The following GPC5 variants were observed in gnomAD, a reference collection of about 807,000 sequenced individuals.
GPC5 encodes glypican 5, also known as glypican-5.
GPC5 carries 47 observed loss-of-function variants against 53.9 expected under a neutral mutation model. That is an observed-to-expected ratio of 0.87 (90% confidence interval 0.69 to 1.11). GPC5 has a LOEUF of 1.11. GPC5 is among the 50% of genes most tolerant of loss of function. The pLI is 0.00. For synonymous variants in GPC5, 286 were observed against 263.3 expected (o/e 1.09, Z -0.84); for missense variants, 748 against 713.1 (o/e 1.05, Z -0.56).
intron 7 of GPC5, among the ~76,000 whole-genome samples, chr13:92,454,406 T>C (rs917234482): frequency 1.3e-5 from 2 of 152,216 alleles, no homozygotes; most frequent in Admixed American, 1.3e-4. Context: ...GCACTGACTT[T>C]GAGGAACCTC....
chr13:92,384,114 T>G (rs1406536837), intron 7 of GPC5, among the ~76,000 whole-genome samples: 2 of 123,268 alleles, frequency 1.6e-5, no homozygotes, highest in Non-Finnish European at 3.3e-5. Context: ...GATACACACA[T>G]TGTTTTTATA....
At chr13:91,552,283 A>G (rs9523360) in intron 2 of GPC5, among the ~76,000 whole-genome samples, 130,696 of 151,934 alleles carry the variant, frequency 0.86, 57,604 homozygotes, top group East Asian at 1. Context: ...TTAGGAGTTT[A>G]TGGCATAGTT....
At chr13:91,616,430 A>G (rs561571432) in intron 2 of GPC5, among the ~76,000 whole-genome samples, 1 of 152,132 alleles carries the variant, frequency 6.6e-6, no homozygotes, top group East Asian at 1.9e-4. Context: ...TTGATGAACT[A>G]TGGCATAACC....
intron 6 of GPC5, among the ~76,000 whole-genome samples, chr13:91,923,934 A>C (rs1296687225): frequency 6.6e-6 from 1 of 152,144 alleles, no homozygotes; most frequent in Non-Finnish European, 1.5e-5. Context: ...GATAGTTGCT[A>C]AATTCACTCT....
chr13:92,449,809 A>T (rs1235820020), intron 7 of GPC5, among the ~76,000 whole-genome samples: 2 of 152,292 alleles, frequency 1.3e-5, no homozygotes, highest in East Asian at 3.9e-4. Context: ...TATTTAGCAT[A>T]TGTTTCATAT....
intron 7 of GPC5, among the ~76,000 whole-genome samples, chr13:92,624,289 CA>C (rs1748261723): frequency 2.0e-5 from 3 of 152,160 alleles, no homozygotes; most frequent in African/African-American, 7.2e-5. Context: ...AGGCTGGTCT[CA>C]AACTCCTGAT....
intron 2 of GPC5, among the ~76,000 whole-genome samples, chr13:91,545,967 G>T (rs1181707043): frequency 6.6e-6 from 1 of 151,910 alleles, no homozygotes; most frequent in African/African-American, 2.4e-5. Context: ...TAACTTGGTG[G>T]CTTGTTTTTG....
chr13:91,929,002 T>C (rs925152561), intron 6 of GPC5, among the ~76,000 whole-genome samples: 10 of 152,148 alleles, frequency 6.6e-5, no homozygotes, highest in African/African-American at 2.4e-4. Flanking sequence ...AATTTTCCTC[T>C]CAATTCTTTT....
At chr13:92,073,021 T>A (rs1343003301) in intron 6 of GPC5, among the ~76,000 whole-genome samples, 1 of 130,432 alleles carries the variant, frequency 7.7e-6, no homozygotes, top group Non-Finnish European at 1.7e-5. Flanking sequence ...TGTTTTCTCA[T>A]CTTACTTAAA....
chr13:92,848,620 CAT>C (rs1878686749), intron 7 of GPC5, among the ~76,000 whole-genome samples: 1 of 151,930 alleles, frequency 6.6e-6, no homozygotes, highest in East Asian at 1.9e-4. Context: ...GACATATAGA[CAT>C]ATATGACTCT....
chr13:91,625,799 A>G (rs1159043959), intron 2 of GPC5, among the ~76,000 whole-genome samples: 1 of 152,126 alleles, frequency 6.6e-6, no homozygotes, highest in African/African-American at 2.4e-5. Flanking sequence ...GATAAATATA[A>G]TACATAGAGT....
At chr13:91,674,965 T>G (rs1260324323) in intron 2 of GPC5, among the ~76,000 whole-genome samples, 1 of 151,898 alleles carries the variant, frequency 6.6e-6, no homozygotes, top group East Asian at 1.9e-4. Flanking sequence ...TAACCCTTAT[T>G]TCCCTTTTTT....
intron 7 of GPC5, among the ~76,000 whole-genome samples, chr13:92,445,431 C>A (rs181581601): frequency 2.0e-5 from 3 of 150,746 alleles, no homozygotes; most frequent in Non-Finnish European, 3.0e-5. Flanking sequence ...TGTCATTTAG[C>A]ATTAGGTATA....
chr13:92,622,284 G>A (rs1215226253), intron 7 of GPC5, among the ~76,000 whole-genome samples: 4 of 152,220 alleles, frequency 2.6e-5, no homozygotes, highest in Non-Finnish European at 5.9e-5. Context: ...ATCGCCACAG[G>A]TCTGGGTTCT....
chr13:92,670,878 C>G (rs1182800438), intron 7 of GPC5, among the ~76,000 whole-genome samples: 1 of 152,118 alleles, frequency 6.6e-6, no homozygotes, highest in African/African-American at 2.4e-5. Context: ...AGTCCTGGAG[C>G]AGTAACATGA....
intron 7 of GPC5, among the ~76,000 whole-genome samples, chr13:92,213,092 GA>G (rs1467127375): frequency 6.6e-6 from 1 of 152,192 alleles, no homozygotes; most frequent in Non-Finnish European, 1.5e-5. Context: ...CAGCCCAGAA[GA>G]AAGGGAGGAG....
At chr13:92,775,541 T>A (rs1432552790) in intron 7 of GPC5, among the ~76,000 whole-genome samples, 1 of 152,196 alleles carries the variant, frequency 6.6e-6, no homozygotes, top group Non-Finnish European at 1.5e-5. Flanking sequence ...GAACTCAAAT[T>A]CAGGCTAGAA....
At chr13:92,129,770 A>G (rs1257557124) in intron 6 of GPC5, among the ~76,000 whole-genome samples, 1 of 152,204 alleles carries the variant, frequency 6.6e-6, no homozygotes, top group Non-Finnish European at 1.5e-5. Context: ...ATGTAAATTG[A>G]TCTGTAGAAA....
At chr13:92,631,160 TGAGATAATTAAATGAGAAAATGC>T (rs1352343261) in intron 7 of GPC5, among the ~76,000 whole-genome samples, 20 of 152,074 alleles carry the variant, frequency 1.3e-4, no homozygotes, top group African/African-American at 4.8e-4. Context: ...TTAAAATCGT[TGAGATAATTAAATGAGAAAATGC>T]TTGTCAATGT....
Sources: allele counts gnomAD v4.1 joint callset (sites outside exome capture counted in the v4.1 genomes callset), GRCh38; gene constraint gnomAD v4.1.1; transcripts MANE v1.5; gene names NCBI Gene and HGNC (gene_info 2026-07-23, HGNC 2026-07-21).